The following PLEC variants were observed in gnomAD, a reference collection of about 807,000 sequenced individuals.
The protein encoded by PLEC is plectin.
Under a neutral mutation model 392.8 loss-of-function variants are expected in PLEC, and 216 were observed. The observed-to-expected ratio is 0.55, with a 90% CI of 0.49 to 0.62. The LOEUF is 0.62. Ranked by LOEUF, PLEC falls within the 20% of genes least tolerant of loss-of-function variation. PLEC has a pLI of 0.00. For synonymous variants in PLEC, 3,621 were observed against 2,980.6 expected, an observed-to-expected ratio of 1.21 and a Z score of -7.00; for missense variants, 6,863 against 6,563.4, an observed-to-expected ratio of 1.05 and a Z score of -1.58.
Position 143,932,201 on chromosome 8 carries a change from T to G in PLEC, c.2011A>C (p.Lys671Gln). Residue 671 changes from lysine to glutamine, a missense_variant, in exon 17 of 32, where the codon AAG becomes CAG. By Grantham distance (53) the Lys-to-Gln change is moderately conservative. Transcript: ENST00000345136. ...CCAGCATTTTGGAGCTCCTTGATCTTCTTCTCCTTCAGCTCCAGCTCCCGC... is the reference window on the plus strand; with the variant it reads ...CCAGCATTTTGGAGCTCCTTGATCTGCTTCTCCTTCAGCTCCAGCTCCCGC... ...LMRELELKEK[K>Q]IKELQNAGDR... 6.2e-7 allele frequency: 1 copy of G among 1,612,300 alleles called. No individual in the cohort carries two copies. Among genetic ancestry groups the G allele is most frequent in the East Asian group, 2.2e-5 (1 of 44,864 alleles).
upstream of PLEC, among the ~76,000 whole-genome samples, chr8:143,954,335 C>CA (rs1554738541): frequency 8.5e-6 from 1 of 117,028 alleles, no homozygotes; most frequent in African/African-American, 4.3e-5. This position sits in a 1 kb window ranked among gnomAD's most constrained non-coding sequence, Gnocchi z 4.6. Context: ...GTGCCCCTTC[C>CA]CCGGGCGTCT....
upstream of PLEC, chr8:143,953,733 G>A (rs1354252824): frequency 7.4e-6 from 12 of 1,612,028 alleles, no homozygotes; most frequent in South Asian, 1.1e-5. Flanking sequence ...CACCTTTGAG[G>A]GAGCTGATCT....
intron 25 of PLEC, 55 bp downstream of exon 25, chr8:143,929,048 A>G: frequency 6.7e-7 from 1 of 1,482,154 alleles, no homozygotes; most frequent in Non-Finnish European, 9.2e-7. Flanking sequence ...CACAGCCCTC[A>G]CCCCAGCACC....
rs782001764 is a variant in PLEC at position 143,927,288 on chromosome 8, G to A, written c.3804C>T (p.Cys1268=). The change falls in exon 28 of 32, where the codon TGC becomes TGT. Residue 1268 remains cysteine, a synonymous_variant. Coordinates refer to ENST00000345136, the MANE Select transcript of PLEC (RefSeq NM_201384.3). ...TGATGTACTGTTTCGCAAACCTCTG[G>A]CACTCCTCGACCTTCTCGCCGTGGC... ...IERHGEKVEE[C]QRFAKQYINA... The A allele has an allele frequency of 4.3e-6, 7 of 1,613,198 alleles. No individual in the cohort carries two copies. The South Asian group carries it at 6.6e-5, about 15-fold the overall frequency.
Position 143,950,678 on chromosome 8 carries a change from TC to T in PLEC, c.28del (p.Asp10ThrfsTer15). On this transcript the variant is annotated frameshift_variant, in exon 1 of 32. Transcript: ENST00000322810. LOFTEE classifies it high-confidence loss of function. ...CACCTCATAGATGGCCCGCAGCTGG[TC>T]CCGTGGCATGAGCATGCCGGCCACC... 6.4e-7 allele frequency: 1 copy of T among 1,573,612 alleles called. No individual in the cohort carries two copies. The highest frequency in any genetic ancestry group is 8.6e-7 in the Non-Finnish European group (1 of 1,164,562).
rs183341386 is a variant in PLEC at position 143,916,417 on chromosome 8, C to T, written c.13404G>A (p.Ala4468=). Residue 4468 remains alanine, a synonymous_variant, in exon 32 of 32, where the codon GCG becomes GCA. Coordinates refer to ENST00000345136, the MANE Select transcript of PLEC (RefSeq NM_201384.3). ...GTGLRLLEAA[A]QSTKGYYSPY... ...GGCTGTAGTAGCCCTTGGTGGACTGCGCGGCAGCCTCCAGCAGCCGCAGCC... is the reference window on the plus strand; with the variant it reads ...GGCTGTAGTAGCCCTTGGTGGACTGTGCGGCAGCCTCCAGCAGCCGCAGCC... 2.1e-4 allele frequency: 340 copies of T among 1,611,532 alleles called. 6 individuals carry two copies. The Admixed American group carries it at 3.7e-3, about 17-fold the overall frequency.
In PLEC at chr8:143,925,213, G is replaced by A. The variant is rs782683401; in HGVS notation, c.4716C>T (p.Arg1572=). 1 of 1,586,728 alleles carries A rather than the reference G, an allele frequency of 6.3e-7. No individual in the cohort carries two copies. The highest frequency in any genetic ancestry group is 1.7e-5 in the Admixed American group (1 of 59,308). ...QVQVALETAQ[R]SAEAELQSKR... ...TGCTCTGCAGCTCCGCCTCTGCACT[G>A]CGCTGCGCCGTCTCCAGGGCCACCT... The change falls in exon 31 of 32, where the codon CGC becomes CGT. Residue 1572 remains arginine (R), a synonymous_variant. Transcript: ENST00000345136.
chr8:143,928,625 C>A, intron 25 of PLEC, among the ~76,000 whole-genome samples: 2 of 113,502 alleles, frequency 1.8e-5, no homozygotes, highest in African/African-American at 1.9e-4. Context: ...CAGGAAGAGG[C>A]GGCGGCCCTA....
chr8:143,966,636 G>C (rs1026255844), intron 1 of PLEC, among the ~76,000 whole-genome samples: 4 of 152,218 alleles, frequency 2.6e-5, no homozygotes, highest in East Asian at 1.9e-4. Context: ...CCACAGGACA[G>C]GGCGGGGCTC....
chr8:143,966,606 C>A (rs1407942103), intron 1 of PLEC, among the ~76,000 whole-genome samples: 1 of 152,166 alleles, frequency 6.6e-6, no homozygotes, highest in Non-Finnish European at 1.5e-5. Context: ...CCACCCAACG[C>A]TTGTTTCAAG....
upstream of PLEC, among the ~76,000 whole-genome samples, chr8:143,940,617 G>T (rs2132385925): frequency 6.6e-6 from 1 of 152,338 alleles, no homozygotes; most frequent in Non-Finnish European, 1.5e-5. Context: ...GACCACCATA[G>T]GAAAGAATGC....
At chr8:143,959,179 G>C (rs1013732412) in intron 1 of PLEC, among the ~76,000 whole-genome samples, 21 of 152,192 alleles carry the variant, frequency 1.4e-4, no homozygotes, top group Non-Finnish European at 2.9e-5. Flanking sequence ...GCCAGGACAT[G>C]GGACAGCATT....
Position 143,934,001 on chromosome 8 carries a change from C to T in PLEC, c.1260G>A (p.Gln420=). The T allele has an allele frequency of 6.2e-7, 1 of 1,604,912 alleles. No individual in the cohort carries two copies. The highest frequency in any genetic ancestry group is 8.5e-7 in the Non-Finnish European group (1 of 1,178,524). The change falls in exon 12 of 32, where the codon CAG becomes CAA. Residue 420 remains glutamine, a synonymous_variant. Transcript: ENST00000345136. ...TGCCTGCCCCACACCCCCTCACCGA[C>T]TGCAGCAGGGCGTCGGCCTGGTTCA... ...EQLNQADALL[Q]SDVRLLAAGK... is the part of the protein sequence containing the mutation.
At chr8:143,975,633 A>G (rs1369436555), upstream of PLEC, among the ~76,000 whole-genome samples, 6 of 149,230 alleles carry the variant, frequency 4.0e-5, no homozygotes, top group African/African-American at 1.5e-4. This position sits in a 1 kb window ranked among gnomAD's most constrained non-coding sequence, Gnocchi z 9.9. Context: ...ATACCTACAC[A>G]GTGACCCCCC....
At chr8:143,967,570 T>C (rs1554742706) in intron 1 of PLEC, among the ~76,000 whole-genome samples, 1 of 152,072 alleles carries the variant, frequency 6.6e-6, no homozygotes, top group African/African-American at 2.4e-5. Flanking sequence ...CAGCGGGAGA[T>C]GGGTTCTGGA....
chr8:143,948,309 C>T (rs1027782244), intron 1 of PLEC, among the ~76,000 whole-genome samples: 24 of 152,366 alleles, frequency 1.6e-4, no homozygotes, highest in African/African-American at 5.3e-4. Context: ...TGCCAACCCA[C>T]GGAGCGGCTG....
Position 143,925,088 on chromosome 8 carries a change from G to A in PLEC, c.4841C>T (p.Ala1614Val), listed in dbSNP as rs1208422935. ...AQLREEAERR[A>V]QQQAEAERAR... is the part of the protein sequence containing the mutation. Reference sequence around the variant, plus strand: ...CCGCTCGGCCTCGGCCTGCTGCTGTGCCCGCCGCTCAGCCTCCTCCCGCAG... The same window carrying A: ...CCGCTCGGCCTCGGCCTGCTGCTGTACCCGCCGCTCAGCCTCCTCCCGCAG... The change falls in exon 31 of 32, where the codon GCA (alanine) becomes GTA (valine). Residue 1614 changes from alanine to valine, a missense_variant. Coordinates refer to ENST00000345136, the MANE Select transcript of PLEC (RefSeq NM_201384.3). 36 of 1,539,046 alleles carry A rather than the reference G, an allele frequency of 2.3e-5. No individual in the cohort carries two copies. The highest frequency in any genetic ancestry group is 2.7e-5 in the Non-Finnish European group (31 of 1,149,432).
rs1277750865 is a variant in PLEC, at chr8:143,934,989, G to A, written c.825+22C>T. ...CGGGGCGTCCAGGCCCAAGCCCCCT[G>A]CCCTCCGGGCCCCCCACTCACGTTG... On this transcript the variant is annotated intron_variant, in intron 8 of 31. Coordinates refer to ENST00000345136, the MANE Select transcript of PLEC (RefSeq NM_201384.3). 5.0e-6 allele frequency: 8 copies of A among 1,611,436 alleles called. No individual in the cohort carries two copies. The East Asian group carries it at 8.9e-5, about 18-fold the overall frequency.
chr8:143,934,843 T>C lies in PLEC; in HGVS notation c.912A>G (p.Glu304=), dbSNP rs1828544070. ...CCTCGAAGCTGGAGGGGAACCTGCG[T>C]TCCTCAAAGGCGGCCGTGTGGTGTC... ...WMRHHTAAFE[E]RRFPSSFEEI... Residue 304 remains glutamate, a synonymous_variant, in exon 9 of 32, where the codon GAA becomes GAG. Coordinates refer to ENST00000345136, the MANE Select transcript of PLEC (RefSeq NM_201384.3). The C allele has an allele frequency of 1.2e-6, 2 of 1,611,416 alleles. No individual in the cohort carries two copies. The highest frequency in any genetic ancestry group is 1.7e-6 in the Non-Finnish European group (2 of 1,179,798).
Sources: allele counts gnomAD v4.1 joint callset (sites outside exome capture counted in the v4.1 genomes callset), GRCh38; gene constraint gnomAD v4.1.1; non-coding constraint Gnocchi (gnomAD v3.1); transcripts MANE v1.5; gene names NCBI Gene and HGNC (gene_info 2026-07-23, HGNC 2026-07-21).